Variants in AKT2 observed in about 807,000 individuals in gnomAD.
AKT2 encodes RAC-beta serine/threonine-protein kinase.
In AKT2, 16 loss-of-function variants were observed where a neutral mutation model predicts 58.6. The ratio of observed to expected loss-of-function variants is 0.27; its 90% confidence interval spans 0.18 to 0.41. The LOEUF is 0.41. AKT2 is among the 10% of genes least tolerant of loss of function. AKT2 has a pLI of 1.00. For missense variants in AKT2, 438 were observed against 661.0 expected, an observed-to-expected ratio of 0.66 and a Z score of 3.70; for synonymous variants, 253 against 254.0, an observed-to-expected ratio of 1.00 and a Z score of 0.04.
At chr19:40,241,802 T>A in intron 6 of AKT2, 136 bp downstream of exon 6, 1 of 1,365,526 alleles carries the variant, frequency 7.3e-7, no homozygotes, top group South Asian at 1.2e-5. Context: ...GGCTCCCCCT[T>A]TTCTGACTAG....
chr19:40,231,357 T>C lies in AKT2; in HGVS notation c.*2515A>G, dbSNP rs1973693642. 1 of 232,982 alleles carries C rather than the reference T, an allele frequency of 4.3e-6. No homozygotes were observed. The highest frequency in any genetic ancestry group is 2.2e-5 in the African/African-American group (1 of 45,346). The allele number at this position is 232,982 out of a possible 1,614,324, so 14.4% of individuals were successfully genotyped here. ...GGACGAGATGGAAGAGTAAAAGGCCTTTCTTCATAGGCCTGCCTATTTTAT... is the reference window on the plus strand; with the variant it reads ...GGACGAGATGGAAGAGTAAAAGGCCCTTCTTCATAGGCCTGCCTATTTTAT... On this transcript the variant is annotated 3_prime_UTR_variant, in exon 14 of 14. Coordinates refer to ENST00000392038, the MANE Select transcript of AKT2 (RefSeq NM_001626.6).
At chr19:40,266,482 G>T (rs931995037) in intron 1 of AKT2, 17 of 152,442 alleles carry the variant, frequency 1.1e-4, no homozygotes, top group African/African-American at 4.1e-4. Flanking sequence ...AGACAAGATG[G>T]ACATGACAGG....
intron 1 of AKT2, 84 bp from the exon 2 acceptor site, chr19:40,265,435 T>C: frequency 6.7e-7 from 1 of 1,496,756 alleles, no homozygotes. Flanking sequence ...TCTGAGGCCC[T>C]CTGGCTGTTC....
rs2145409048 is a variant in AKT2, at chr19:40,274,119, A to AC, written c.-84-8769dup. 2 of 152,326 alleles carry AC rather than the reference A, an allele frequency of 1.3e-5. 1 individual carries two copies. Among genetic ancestry groups the AC allele is most frequent in the South Asian group, 4.1e-4 (2 of 4,832 alleles). The allele number at this position is 152,326 out of a possible 1,614,324, so 9.4% of individuals were successfully genotyped here. ...ACCACCCCTCTCCCACGAGCAGCGGACTCTCAGAGCTCAGCCTTCCCTTCC... is the reference window on the plus strand; with the variant it reads ...ACCACCCCTCTCCCACGAGCAGCGGACCTCTCAGAGCTCAGCCTTCCCTTCC... On this transcript the variant is annotated intron_variant, in intron 1 of 13. Coordinates refer to ENST00000392038, the MANE Select transcript of AKT2 (RefSeq NM_001626.6).
intron 2 of AKT2, among the ~76,000 whole-genome samples, chr19:40,258,618 T>C (rs1023938027): frequency 1.3e-5 from 2 of 148,518 alleles, no homozygotes; most frequent in African/African-American, 5.0e-5. Flanking sequence ...ATGGTGCCAC[T>C]GCAGTCCAGC....
Position 40,235,054 on chromosome 19 carries a change from G to C in AKT2, c.1357C>G (p.Pro453Ala). The change falls in exon 13 of 14, where the codon CCT becomes GCT. Residue 453 changes from proline to alanine, a missense_variant. This residue lies in a region of AKT2 where 148 missense variants were observed against 199.5 expected (regional missense o/e 0.74). Transcript: ENST00000392038. This position sits in a 1 kb window ranked among gnomAD's most constrained non-coding sequence, Gnocchi z 6.3. Reference protein sequence around the residue: ...FTAQSITITPPDRYDSLGLLE... With the variant: ...FTAQSITITPADRYDSLGLLE... ...GGCCCCAGGCACTCACAGCGGTCAG[G>C]GGGTGTGATTGTGATGGACTGGGCG... The C allele has an allele frequency of 6.2e-7, 1 of 1,614,152 alleles. No individual in the cohort carries two copies. Among genetic ancestry groups the C allele is most frequent in the East Asian group, 2.2e-5 (1 of 44,876 alleles).
intron 2 of AKT2, among the ~76,000 whole-genome samples, chr19:40,262,994 C>T (rs1200183515): frequency 2.0e-5 from 3 of 152,170 alleles, no homozygotes; most frequent in Admixed American, 6.5e-5. Flanking sequence ...TGTGCACAAG[C>T]GTGTGTGTAG....
At chr19:40,256,574 G>C (rs543087889) in intron 3 of AKT2, among the ~76,000 whole-genome samples, 2 of 152,182 alleles carry the variant, frequency 1.3e-5, no homozygotes. Context: ...CTCTACGTCC[G>C]AGGGACAGAG....
At chr19:40,258,323 TG>T (rs1438700084) in intron 2 of AKT2, among the ~76,000 whole-genome samples, 3 of 148,314 alleles carry the variant, frequency 2.0e-5, no homozygotes, top group Non-Finnish European at 4.4e-5. Flanking sequence ...TAAAACCAAC[TG>T]AACTGTATGC....
At chr19:40,260,042 C>G (rs1418127234) in intron 2 of AKT2, among the ~76,000 whole-genome samples, 2 of 152,138 alleles carry the variant, frequency 1.3e-5, no homozygotes, top group Middle Eastern at 3.4e-3. Flanking sequence ...AGTCCCAGTG[C>G]TTGGGAGGCT....
At chr19:40,276,447 C>T (rs1355384174) in intron 1 of AKT2, among the ~76,000 whole-genome samples, 1 of 134,720 alleles carries the variant, frequency 7.4e-6, no homozygotes, top group Non-Finnish European at 1.5e-5. Flanking sequence ...CTCACTGCAA[C>T]CTCTGCTTCC....
chr19:40,260,521 T>G (rs967182981), intron 2 of AKT2, among the ~76,000 whole-genome samples: 1 of 145,908 alleles, frequency 6.9e-6, no homozygotes, highest in Non-Finnish European at 1.5e-5. Context: ...TCCCAGCTAC[T>G]CAGGAGGCTG....
Position 40,235,770 on chromosome 19 carries a change from G to A in AKT2, c.1175+120C>T. The A allele has an allele frequency of 9.4e-7, 1 of 1,066,852 alleles. No homozygotes were observed. The highest frequency in any genetic ancestry group is 2.5e-5 in the Admixed American group (1 of 39,782). 66.1% of individuals were successfully genotyped at this position (1,066,852 alleles called of 1,614,324 possible). ...CACTGTGGACGTTTTCAGGGGCTGT[G>A]TGGGGACGACACACTGCGACCCTAC... On this transcript the variant is annotated intron_variant, in intron 11 of 13. Transcript: ENST00000392038. The surrounding 1 kb of genome is among the most constrained non-coding windows in gnomAD (Gnocchi z 6.3).
rs185051691 is a variant in AKT2 at position 40,235,800 on chromosome 19, G to T, written c.1175+90C>A. 3.9e-3 allele frequency: 5,240 copies of T among 1,346,918 alleles called. 10 individuals carry two copies. The highest frequency in any genetic ancestry group is 4.6e-3 in the Non-Finnish European group (4,563 of 992,424). The allele number at this position is 1,346,918 out of a possible 1,614,324, so 83.4% of individuals were successfully genotyped here. A position where few individuals can be genotyped will look rare whatever the true frequency, so the allele number is the denominator to read the frequency against. On this transcript the variant is annotated intron_variant, in intron 11 of 13. Coordinates refer to ENST00000392038, the MANE Select transcript of AKT2 (RefSeq NM_001626.6). This position sits in a 1 kb window ranked among gnomAD's most constrained non-coding sequence, Gnocchi z 6.3. ...GACGACACACTGCGACCCTACAAGC[G>T]AGCACCCTTGTGGACGCTGCCCCCT...
At chr19:40,256,312 G>T (rs978976511) in intron 3 of AKT2, among the ~76,000 whole-genome samples, 1 of 152,186 alleles carries the variant, frequency 6.6e-6, no homozygotes, top group Admixed American at 6.5e-5. Context: ...CAGTGGAGAT[G>T]GGGGTGCCTC....
intron 1 of AKT2, among the ~76,000 whole-genome samples, chr19:40,281,947 C>T (rs1417476653): frequency 1.3e-5 from 2 of 152,176 alleles, no homozygotes; most frequent in Admixed American, 6.5e-5. Context: ...CCCATGGCAC[C>T]GATGATGAAA....
intron 4 of AKT2, among the ~76,000 whole-genome samples, chr19:40,250,923 C>A (rs150224024): frequency 2.6e-3 from 401 of 152,298 alleles, no homozygotes; most frequent in Non-Finnish European, 4.4e-3. Flanking sequence ...GACCAGAAAG[C>A]TGGGTGTGGT....
At chr19:40,240,375 G>A (rs1974318234) in intron 6 of AKT2, 2 of 671,372 alleles carry the variant, frequency 3.0e-6, no homozygotes, top group African/African-American at 3.5e-5. Context: ...CAAGACACCT[G>A]TGACGTCCCT....
Position 40,230,592 on chromosome 19 carries a change from T to C in AKT2, c.*3280A>G, listed in dbSNP as rs1277778745. 1 of 228,676 alleles carries C rather than the reference T, an allele frequency of 4.4e-6. No homozygotes were observed. Among genetic ancestry groups the C allele is most frequent in the Non-Finnish European group, 8.7e-6 (1 of 115,212 alleles). 14.2% of individuals were successfully genotyped at this position (228,676 alleles called of 1,614,324 possible). A position where few individuals can be genotyped will look rare whatever the true frequency, so the allele number is the denominator to read the frequency against. ...AAAAGAGCAGGAAACTACCAATTTA[T>C]GATGCCGTGTCCATTTGCAGAGAGG... On this transcript the variant is annotated 3_prime_UTR_variant, in exon 14 of 14. Transcript: ENST00000392038.
Sources: gnomAD v4.1 joint callset for allele counts (sites outside exome capture counted in the v4.1 genomes callset) on GRCh38, gnomAD v4.1.1 for gene constraint, gnomAD v4.1.1 regional missense constraint, Gnocchi (gnomAD v3.1) non-coding constraint, MANE v1.5 for transcripts, NCBI Gene and HGNC (gene_info 2026-07-23, HGNC 2026-07-21) for gene names.